LINGO2: variants seen among roughly 807,000 people sequenced by gnomAD.
LINGO2 encodes leucine-rich repeat and immunoglobulin-like domain-containing nogo receptor-interacting protein 2.
In LINGO2, 14 loss-of-function variants were observed where a neutral mutation model predicts 30.6. That is an observed-to-expected ratio of 0.46 (90% CI 0.30 to 0.72). The LOEUF (loss-of-function observed/expected upper bound fraction) is 0.72. LINGO2 is among the 30% of genes least tolerant of loss of function. The pLI is 0.07. For missense variants in LINGO2, 729 were observed against 751.7 expected, an observed-to-expected ratio of 0.97 and a Z score of 0.35; for synonymous variants, 317 against 288.5, an observed-to-expected ratio of 1.10 and a Z score of -1.00.
the LINGO2 span, among the ~76,000 whole-genome samples, chr9:28,844,162 G>T: frequency 6.6e-6 from 1 of 151,834 alleles, no homozygotes; most frequent in African/African-American, 2.4e-5. Flanking sequence ...AGGAGTTCGA[G>T]ACTAGCCTGG....
At chr9:28,982,213 C>T in the LINGO2 span, among the ~76,000 whole-genome samples, 1 of 151,996 alleles carries the variant, frequency 6.6e-6, no homozygotes, top group South Asian at 2.1e-4. Context: ...TTAATAAAGC[C>T]TCCTAGGTGA....
the LINGO2 span, among the ~76,000 whole-genome samples, chr9:28,831,735 A>T: frequency 6.6e-6 from 1 of 152,180 alleles, no homozygotes; most frequent in Non-Finnish European, 1.5e-5. Context: ...AGAAAGCTAC[A>T]ATTTCAGTAA....
At chr9:28,058,154 T>G (rs191492648) in intron 4 of LINGO2, among the ~76,000 whole-genome samples, 55 of 152,226 alleles carry the variant, frequency 3.6e-4, no homozygotes, top group African/African-American at 1.3e-3. Context: ...CAGCTGCTAG[T>G]TGATACTACA....
intron 1 of LINGO2, among the ~76,000 whole-genome samples, chr9:28,478,535 G>C (rs1443674268): frequency 2.0e-5 from 3 of 152,092 alleles, no homozygotes; most frequent in Non-Finnish European, 4.4e-5. Context: ...CAAGAATTCA[G>C]AAGATAGGTC....
At chr9:28,798,381 C>T in the LINGO2 span, among the ~76,000 whole-genome samples, 1 of 151,954 alleles carries the variant, frequency 6.6e-6, no homozygotes, top group African/African-American at 2.4e-5. Context: ...AGAAGTTGAC[C>T]TTAGCTATTA....
At chr9:28,225,298 A>T (rs1042398664) in intron 4 of LINGO2, among the ~76,000 whole-genome samples, 6 of 152,166 alleles carry the variant, frequency 3.9e-5, no homozygotes, top group African/African-American at 1.4e-4. Flanking sequence ...TTAAAATTAT[A>T]ATTACAGTGA....
At chr9:29,038,370 T>A in the LINGO2 span, among the ~76,000 whole-genome samples, 1 of 152,054 alleles carries the variant, frequency 6.6e-6, no homozygotes, top group Admixed American at 6.6e-5. Context: ...TTCTTATGTT[T>A]GTTGGCCATT....
At chr9:29,012,164 C>A in the LINGO2 span, among the ~76,000 whole-genome samples, 1 of 152,030 alleles carries the variant, frequency 6.6e-6, no homozygotes, top group Non-Finnish European at 1.5e-5. Context: ...TCAAGACCAG[C>A]CTGGCCAACA....
intron 1 of LINGO2, among the ~76,000 whole-genome samples, chr9:28,580,672 T>C (rs1004040665): frequency 5.3e-5 from 8 of 152,048 alleles, no homozygotes; most frequent in African/African-American, 1.9e-4. Flanking sequence ...ACGCACAGCA[T>C]GGTTAAGGGC....
chr9:28,229,830 T>A (rs1434286539), intron 4 of LINGO2, among the ~76,000 whole-genome samples: 1 of 151,824 alleles, frequency 6.6e-6, no homozygotes, highest in African/African-American at 2.4e-5. Flanking sequence ...TAATAAATAA[T>A]TCACCTTTTA....
the LINGO2 span, among the ~76,000 whole-genome samples, chr9:28,829,699 C>A: frequency 2.0e-5 from 3 of 152,114 alleles, no homozygotes; most frequent in Non-Finnish European, 4.4e-5. Context: ...ACCAGCCTGA[C>A]CAACATGGCA....
chr9:29,009,955 G>C, the LINGO2 span, among the ~76,000 whole-genome samples: 1 of 152,146 alleles, frequency 6.6e-6, no homozygotes, highest in Non-Finnish European at 1.5e-5. Flanking sequence ...AATAAATGGT[G>C]CTGGGAAAAC....
chr9:29,068,767 A>G, the LINGO2 span, among the ~76,000 whole-genome samples: 1 of 151,936 alleles, frequency 6.6e-6, no homozygotes, highest in Non-Finnish European at 1.5e-5. Flanking sequence ...CATTACATGG[A>G]CAGATGTTAA....
chr9:28,476,236 C>T (rs1051755787), intron 1 of LINGO2, among the ~76,000 whole-genome samples: 10 of 152,266 alleles, frequency 6.6e-5, no homozygotes, highest in African/African-American at 9.6e-5. Context: ...CTGCAATCCA[C>T]GGAACATAAC....
At chr9:28,276,025 AT>A (rs1564089846) in intron 4 of LINGO2, among the ~76,000 whole-genome samples, 1 of 152,320 alleles carries the variant, frequency 6.6e-6, no homozygotes, top group East Asian at 1.9e-4. Context: ...TTTATACAAA[AT>A]TAACATAATA....
intron 3 of LINGO2, among the ~76,000 whole-genome samples, chr9:28,333,052 T>C (rs1284390463): frequency 6.6e-6 from 1 of 152,146 alleles, no homozygotes; most frequent in African/African-American, 2.4e-5. Context: ...GTTTTACGGA[T>C]CAAAATCCAG....
chr9:28,037,742 C>T (rs1473459800), intron 4 of LINGO2, among the ~76,000 whole-genome samples: 1 of 152,206 alleles, frequency 6.6e-6, no homozygotes, highest in Non-Finnish European at 1.5e-5. Context: ...AATTAGAACC[C>T]AGGAACTCAA....
rs368099386 is a variant in LINGO2, at chr9:28,310,252, T to A, written c.-245-14886A>T. Among the ~76,000 whole-genome samples the A allele has an allele frequency of 2.6e-5, 4 of 152,240 alleles. No homozygotes were observed. The South Asian group carries it at 8.3e-4, about 32-fold the overall frequency. On this transcript the variant is annotated intron_variant, in intron 3 of 5. Transcript: ENST00000379992. Reference sequence around the variant, plus strand: ...CTTGTCCACAGTCGTTCCTAGAAACTTTTTTGGCAGTTTTCCAAAAGCTGA... The same window carrying A: ...CTTGTCCACAGTCGTTCCTAGAAACATTTTTGGCAGTTTTCCAAAAGCTGA...
At chr9:28,834,639 T>C in the LINGO2 span, among the ~76,000 whole-genome samples, 1 of 152,198 alleles carries the variant, frequency 6.6e-6, no homozygotes, top group Non-Finnish European at 1.5e-5. Context: ...TATAATTTTA[T>C]GATTTTGGTA....
Sources: gnomAD v4.1 joint callset for allele counts (sites outside exome capture counted in the v4.1 genomes callset) on GRCh38, gnomAD v4.1.1 for gene constraint, MANE v1.5 for transcripts, NCBI Gene and HGNC (gene_info 2026-07-23, HGNC 2026-07-21) for gene names.